The following E2F8 variants were observed in gnomAD, a reference collection of about 807,000 sequenced individuals.
E2F8 encodes transcription factor E2F8.
Under a neutral mutation model 80.8 loss-of-function variants are expected in E2F8, and 35 were observed. The ratio of observed to expected loss-of-function variants is 0.43; its 90% CI spans 0.33 to 0.57. The LOEUF (loss-of-function observed/expected upper bound fraction) is 0.57. Ranked by LOEUF, E2F8 falls within the 20% of genes least tolerant of loss-of-function variation. E2F8 has a pLI of 0.04. For missense variants in E2F8, 975 were observed against 1,056.2 expected (o/e 0.92, Z 1.07); for synonymous variants, 386 against 395.0 (o/e 0.98, Z 0.27).
chr11:19,230,212 C>T lies in E2F8; in HGVS notation c.1358+29G>A, dbSNP rs371981507. On this transcript the variant is annotated intron_variant, in intron 9 of 12. Transcript: ENST00000250024. Reference sequence around the variant, plus strand: ...ACAATGTAATGTAAAAGTAATTCATCCTGTTATTAAAGAGGATTGCCAACC... The same window carrying T: ...ACAATGTAATGTAAAAGTAATTCATTCTGTTATTAAAGAGGATTGCCAACC... 127 of 1,598,128 alleles carry T rather than the reference C, an allele frequency of 7.9e-5. 2 individuals are homozygous for T. Among genetic ancestry groups the T allele is most frequent in the South Asian group, 5.0e-4 (44 of 88,282 alleles).
At chr11:19,233,682 G>T (rs1471833219) in intron 6 of E2F8, among the ~76,000 whole-genome samples, 1 of 151,880 alleles carries the variant, frequency 6.6e-6, no homozygotes, top group Non-Finnish European at 1.5e-5. Context: ...TAGAGACGGG[G>T]TTTCACTGTG....
intron 2 of E2F8, 42 bp from the exon 3 acceptor site, chr11:19,238,174 G>C (rs1048431197): frequency 1.3e-6 from 2 of 1,554,198 alleles, no homozygotes; most frequent in Non-Finnish European, 1.7e-6. Context: ...TGGTAAAACA[G>C]GATTTATCAG....
At chr11:19,235,117 G>C in intron 4 of E2F8, 59 bp from the exon 5 acceptor site, 1 of 1,447,466 alleles carries the variant, frequency 6.9e-7, no homozygotes, top group Non-Finnish European at 9.3e-7. Flanking sequence ...GAATTGAATA[G>C]CTTTTTCTTC....
chr11:19,229,931 T>C lies in E2F8; in HGVS notation c.1416A>G (p.Val472=). 4 of 1,614,056 alleles carry C rather than the reference T, an allele frequency of 2.5e-6. No homozygotes were observed. Among genetic ancestry groups the C allele is most frequent in the Non-Finnish European group, 2.5e-6 (3 of 1,180,002 alleles). Residue 472 remains valine (V), a synonymous_variant, in exon 10 of 13, where the codon GTA becomes GTG. Transcript: ENST00000250024. The surrounding 1 kb of genome is among the most constrained non-coding windows in gnomAD (Gnocchi z 4.3). ...CATTCACTGGGGGGTCCAGAGGGGC[T>C]ACTGGTTTGCAGGGTCCAGATCTTG... is the stretch of plus-strand genomic sequence containing the variant. ...QLARSGPCKP[V]APLDPPVNAE... is the part of the protein sequence containing the mutation.
At position 19,235,665 on chromosome 11, in the gene E2F8, AC is replaced by A. The variant is rs771328082; in HGVS notation, c.452-608del. On this transcript the variant is annotated intron_variant, in intron 4 of 12. Transcript: ENST00000250024. ...CTCCGTCTCAAAAACAAACAAACAA[AC>A]AAAAAAAAAAAACGATGAGAAAACA... 4.2e-3 allele frequency among the ~76,000 whole-genome samples: 322 copies of A among 76,320 alleles called. 4 individuals are homozygous for A. The highest frequency in any genetic ancestry group is 0.018 in the African/African-American group (306 of 17,408). The allele number at this position is 76,320 out of a possible 152,430, so 50.1% of individuals were successfully genotyped here.
Position 19,225,505 on chromosome 11 carries a change from C to T in E2F8, c.2137G>A (p.Gly713Arg), listed in dbSNP as rs754334957. 1.7e-5 allele frequency: 27 copies of T among 1,614,026 alleles called. No homozygotes were observed. Among genetic ancestry groups the T allele is most frequent in the South Asian group, 1.1e-4 (10 of 91,086 alleles). Residue 713 changes from glycine (G) to arginine (R), a missense_variant, in exon 12 of 13, where the codon GGG becomes AGG. Physicochemically the swap from Gly to Arg is moderately radical, Grantham distance 125. Transcript: ENST00000250024. ...SPTSVAAVPV[G>R]NSPALASSHP... ...CTTGAAGCGAGAGCCGGGCTGTTCCCGACAGGTACGGCTGCCACGGAAGTT... is the reference window on the plus strand; with the variant it reads ...CTTGAAGCGAGAGCCGGGCTGTTCCTGACAGGTACGGCTGCCACGGAAGTT...
In E2F8 at chr11:19,224,668, T is replaced by A. The variant is rs1253510684; in HGVS notation, c.2594A>T (p.Asp865Val). ...PQRKLEVSTE[D>V]VH ...GCCAACATCTGTTGATTAATGGACA[T>A]CCTCTGTTGAGACTTCCAGTTTTCG... The change falls in exon 13 of 13, where the codon GAT becomes GTT. Residue 865 changes from aspartate (D) to valine (V), a missense_variant. Physicochemically the swap from Asp to Val is radical, Grantham distance 152. Coordinates refer to ENST00000250024, the MANE Select transcript of E2F8 (RefSeq NM_024680.4). 6.2e-7 allele frequency: 1 copy of A among 1,613,884 alleles called. No individual in the cohort carries two copies. Among genetic ancestry groups the A allele is most frequent in the African/African-American group, 1.3e-5 (1 of 74,944 alleles).
rs1270736024 is a variant in E2F8 at position 19,225,432 on chromosome 11, G to A, written c.2210C>T (p.Thr737Ile). ...QNPSSAIVNF[T>I]LQHLGLISPN... ...TGAGATGAGTCCCAGGTGCTGCAGG[G>A]TGAAGTTTACAATGGCTGAGCTTGG... The change falls in exon 12 of 13, where the codon ACC becomes ATC. Residue 737 changes from threonine (T) to isoleucine (I), a missense_variant. Thr to Ile is a moderately conservative substitution (Grantham distance 89). Transcript: ENST00000250024. The A allele has an allele frequency of 6.2e-7, 1 of 1,614,216 alleles. No homozygotes were observed. The highest frequency in any genetic ancestry group is 8.5e-7 in the Non-Finnish European group (1 of 1,180,034).
At chr11:19,227,076 G>C (rs1851255059) in intron 10 of E2F8, among the ~76,000 whole-genome samples, 1 of 152,194 alleles carries the variant, frequency 6.6e-6, no homozygotes. Flanking sequence ...CCATGAGCGG[G>C]ACTGGCAAAA....
In E2F8 at chr11:19,237,920, G is replaced by C. The variant is rs774409515; in HGVS notation, c.228C>G (p.Asn76Lys). 1 of 1,613,766 alleles carries C rather than the reference G, an allele frequency of 6.2e-7. No homozygotes were observed. Among genetic ancestry groups the C allele is most frequent in the Non-Finnish European group, 8.5e-7 (1 of 1,180,004 alleles). ...CAAACAAACCCCTTTTCTGATCTCT[G>C]TTGCGGATCTCAGGGCTCACAGCAC... ...LISAVSPEIR[N>K]RDQKRGLFDN... Residue 76 changes from asparagine to lysine, a missense_variant, in exon 3 of 13, where the codon AAC becomes AAG. Transcript: ENST00000250024.
chr11:19,229,506 C>T lies in E2F8; in HGVS notation c.1841G>A (p.Gly614Asp). ...SKRASMLEDS[G>D]SKKKFKEDLK... The stretch of plus-strand genomic sequence containing the variant: ...GTCCTCTTTAAATTTCTTTTTGGAA[C>T]CACTGTCCTCGAGCATGCTTGCCCT... Residue 614 changes from glycine (G) to aspartate (D), a missense_variant, in exon 10 of 13, where the codon GGT becomes GAT. Gly to Asp is a moderately conservative substitution (Grantham distance 94). Coordinates refer to ENST00000250024, the MANE Select transcript of E2F8 (RefSeq NM_024680.4). This position sits in a 1 kb window ranked among gnomAD's most constrained non-coding sequence, Gnocchi z 4.3. 2 of 1,614,166 alleles carry T rather than the reference C, an allele frequency of 1.2e-6. No homozygotes were observed. The highest frequency in any genetic ancestry group is 1.7e-6 in the Non-Finnish European group (2 of 1,180,018).
In E2F8 at chr11:19,234,224, T is replaced by C. The variant is rs1851454965; in HGVS notation, c.928+136A>G. On this transcript the variant is annotated intron_variant, in intron 6 of 12. Transcript: ENST00000250024. ...GCTAAATCAATATTATCATGGCTTC[T>C]GGGGAGAAGATATAAAAACATAATT... The C allele has an allele frequency of 3.3e-6, 3 of 922,230 alleles. No individual in the cohort carries two copies. In the Admixed American group the frequency reaches 7.5e-5, roughly 23 times the overall value. 57.1% of individuals were successfully genotyped at this position (922,230 alleles called of 1,614,324 possible).
chr11:19,234,298 T>A (rs970381309), intron 6 of E2F8, 62 bp downstream of exon 6: 38 of 1,577,016 alleles, frequency 2.4e-5, no homozygotes, highest in Admixed American at 9.1e-5. Flanking sequence ...GAAATGAGTT[T>A]ACGACTGAGA....
chr11:19,237,634 G>C (rs974025527), intron 3 of E2F8, among the ~76,000 whole-genome samples, 164 bp from the exon 4 acceptor site: 1 of 152,160 alleles, frequency 6.6e-6, no homozygotes, highest in African/African-American at 2.4e-5. Context: ...CAAAATGCTT[G>C]GCAAACCTGA....
intron 7 of E2F8, among the ~76,000 whole-genome samples, 168 bp from the exon 8 acceptor site, chr11:19,231,002 G>A (rs1565068973): frequency 6.6e-6 from 1 of 152,172 alleles, no homozygotes; most frequent in Admixed American, 6.5e-5. Flanking sequence ...CTTATTAAAT[G>A]GATTCTGAGA....
intron 6 of E2F8, among the ~76,000 whole-genome samples, chr11:19,233,885 TTTTGGGAGGCCTCCCAAAA>T: frequency 6.6e-6 from 1 of 151,358 alleles, no homozygotes; most frequent in East Asian, 2.0e-4. Flanking sequence ...AGGCCTGTAA[TTTTGGGAGGCCTCCCAAAA>T]TTTGGGAGGC....
At chr11:19,240,524 G>C (rs1381496403) in intron 1 of E2F8, 24 bp downstream of exon 1, 1 of 154,914 alleles carries the variant, frequency 6.5e-6, no homozygotes, top group Non-Finnish European at 1.4e-5. Flanking sequence ...CCGGACCCCA[G>C]CGAATACTTT....
chr11:19,234,043 G>C (rs1183525595), intron 6 of E2F8, among the ~76,000 whole-genome samples: 1 of 150,882 alleles, frequency 6.6e-6, no homozygotes, highest in Non-Finnish European at 1.5e-5. Flanking sequence ...AGCTACTCCG[G>C]AGACTGAGGC....
In E2F8 at chr11:19,229,825, C is replaced by G. The variant is rs199978195; in HGVS notation, c.1522G>C (p.Val508Leu). The change falls in exon 10 of 13, where the codon GTG (valine) becomes CTG (leucine). Residue 508 changes from valine (V) to leucine (L), a missense_variant. By Grantham distance (32) the Val-to-Leu change is conservative. Transcript: ENST00000250024. This position sits in a 1 kb window ranked among gnomAD's most constrained non-coding sequence, Gnocchi z 4.3. ...GGGGCCTGAGGTAGGATCAGGGGCACTGCTGATGACAAGGGGCTGGGGATC... is the reference window on the plus strand; with the variant it reads ...GGGGCCTGAGGTAGGATCAGGGGCAGTGCTGATGACAAGGGGCTGGGGATC... The part of the protein sequence containing the change: ...PLIPSPLSSA[V>L]PLILPQAPSG... 2 of 1,613,726 alleles carry G rather than the reference C, an allele frequency of 1.2e-6. No homozygotes were observed. Among genetic ancestry groups the G allele is most frequent in the Non-Finnish European group, 1.7e-6 (2 of 1,179,934 alleles).
Sources: allele counts gnomAD v4.1 joint callset (sites outside exome capture counted in the v4.1 genomes callset), GRCh38; gene constraint gnomAD v4.1.1; non-coding constraint Gnocchi (gnomAD v3.1); transcripts MANE v1.5; gene names NCBI Gene and HGNC (gene_info 2026-07-23, HGNC 2026-07-21).